Variants in SNRPC observed in about 807,000 individuals in gnomAD.
The protein encoded by SNRPC is U1 small nuclear ribonucleoprotein C.
Under a neutral mutation model 20.0 loss-of-function variants are expected in SNRPC, and 5 were observed. That is an observed-to-expected ratio of 0.25 (90% CI 0.13 to 0.53). The LOEUF (loss-of-function observed/expected upper bound fraction) is 0.53. Ranked by LOEUF, SNRPC falls within the 20% of genes least tolerant of loss-of-function variation. The probability of loss-of-function intolerance (pLI) is 0.96; values close to 1 mark genes in which losing one functional copy is unlikely to be tolerated. For synonymous variants in SNRPC, 61 were observed against 58.7 expected (o/e 1.04, Z -0.18); for missense variants, 112 against 224.1 (o/e 0.50, Z 3.19).
intron 3 of SNRPC, among the ~76,000 whole-genome samples, chr6:34,767,235 C>T (rs762670121): frequency 1.3e-5 from 2 of 152,136 alleles, no homozygotes; most frequent in Non-Finnish European, 2.9e-5. Flanking sequence ...TTTTTGGGCA[C>T]GTATTACACT....
chr6:34,765,571 G>C (rs1378588969), intron 3 of SNRPC, among the ~76,000 whole-genome samples: 1 of 151,936 alleles, frequency 6.6e-6, no homozygotes, highest in Non-Finnish European at 1.5e-5. Context: ...CGAGTAGCTG[G>C]GACTACAGGT....
intron 4 of SNRPC, 94 bp from the exon 5 acceptor site, chr6:34,770,197 G>C (rs551614311): frequency 8.0e-5 from 74 of 929,858 alleles, no homozygotes; most frequent in Non-Finnish European, 1.3e-4. Flanking sequence ...ACTCCGGCCT[G>C]GGCAACAAGA....
chr6:34,762,558 T>C (rs1230776062), intron 2 of SNRPC, 37 bp from the exon 3 acceptor site: 1 of 1,123,744 alleles, frequency 8.9e-7, no homozygotes, highest in South Asian at 1.3e-5. Context: ...TGTTGGACAT[T>C]TGTTTCTACG....
intron 4 of SNRPC, among the ~76,000 whole-genome samples, chr6:34,768,490 A>T (rs1414660831): frequency 6.6e-6 from 1 of 152,132 alleles, no homozygotes; most frequent in African/African-American, 2.4e-5. Context: ...GGTGGTTCAC[A>T]CCTGTAATCC....
chr6:34,760,111 C>CTTTTTTTTTTTTTTTTTTTTTTTTTTT (rs201265600), intron 2 of SNRPC, among the ~76,000 whole-genome samples: 1 of 123,410 alleles, frequency 8.1e-6, no homozygotes, highest in African/African-American at 3.2e-5. Flanking sequence ...TGTATATTAT[C>CTTTTTTTTTTTTTTTTTTTTTTTTTTT]TTTTTTTTTT....
rs774843726 is a variant in SNRPC, at chr6:34,773,423, CTCT to C, written c.356-18_356-16del. Reference sequence around the variant, plus strand: ...GTATTTTCTGACTCCCTTTTTCTCCCTCTTCTTTGTTTTGTCCTGCAGCTCCTG... The same window carrying C: ...GTATTTTCTGACTCCCTTTTTCTCCCTCTTTGTTTTGTCCTGCAGCTCCTG... On this transcript the variant is annotated intron_variant, in intron 5 of 5. Coordinates refer to ENST00000244520, the MANE Select transcript of SNRPC (RefSeq NM_003093.3). The surrounding 1 kb of genome is among the most constrained non-coding windows in gnomAD (Gnocchi z 4.1). The C allele has an allele frequency of 1.6e-5, 25 of 1,607,038 alleles. 1 individual carries two copies. Among genetic ancestry groups the C allele is most frequent in the Middle Eastern group, 1.7e-4 (1 of 6,048 alleles).
chr6:34,772,211 T>C (rs1266949164), intron 5 of SNRPC, among the ~76,000 whole-genome samples: 1 of 152,232 alleles, frequency 6.6e-6, no homozygotes, highest in African/African-American at 2.4e-5. Context: ...TACTCTTCTT[T>C]ACTATTCTTG....
chr6:34,763,145 A>C (rs1475714445), intron 3 of SNRPC, among the ~76,000 whole-genome samples: 1 of 152,214 alleles, frequency 6.6e-6, no homozygotes, highest in Non-Finnish European at 1.5e-5. Context: ...ATAGAGTACT[A>C]GTCAAAAAGA....
intron 2 of SNRPC, 115 bp downstream of exon 2, chr6:34,758,069 T>C: frequency 9.1e-7 from 1 of 1,098,754 alleles, no homozygotes. Flanking sequence ...GTTTAAGGTC[T>C]ACTCCTTGAA....
Position 34,773,675 on chromosome 6 carries a change from C to A in SNRPC, c.*105C>A. The A allele has an allele frequency of 3.1e-6, 3 of 978,804 alleles. No homozygotes were observed. The highest frequency in any genetic ancestry group is 4.6e-6 in the Non-Finnish European group (3 of 656,016). The allele number at this position is 978,804 out of a possible 1,614,324, so 60.6% of individuals were successfully genotyped here. A position where few individuals can be genotyped will look rare whatever the true frequency, so the allele number is the denominator to read the frequency against. On this transcript the variant is annotated 3_prime_UTR_variant, in exon 6 of 6. Transcript: ENST00000244520. This position sits in a 1 kb window ranked among gnomAD's most constrained non-coding sequence, Gnocchi z 4.1. ...AGTTTTCTAAACAGCATAAGGAAGA[C>A]TTGCTCCCCTGTCCTATGAAAGAGA...
intron 4 of SNRPC, among the ~76,000 whole-genome samples, chr6:34,768,753 CAAA>C (rs11284276): frequency 1.0e-4 from 10 of 97,604 alleles, no homozygotes; most frequent in Non-Finnish European, 1.4e-4. Context: ...GACTTTGTCT[CAAA>C]AAAAAAAAAA....
intron 3 of SNRPC, among the ~76,000 whole-genome samples, chr6:34,763,320 G>A (rs1245957242): frequency 6.6e-6 from 1 of 152,044 alleles, no homozygotes; most frequent in Non-Finnish European, 1.5e-5. Context: ...TTTGAATCAC[G>A]GCCTTTCTTA....
intron 2 of SNRPC, 23 bp from the exon 3 acceptor site, chr6:34,762,572 G>T (rs1036429888): frequency 7.9e-7 from 1 of 1,267,480 alleles, no homozygotes; most frequent in Non-Finnish European, 1.2e-6. Context: ...TTCTACGTCT[G>T]ATATGATCTT....
intron 5 of SNRPC, among the ~76,000 whole-genome samples, chr6:34,771,724 A>G (rs1343397254): frequency 6.6e-6 from 1 of 152,222 alleles, no homozygotes; most frequent in Non-Finnish European, 1.5e-5. Context: ...CAAAGTTACT[A>G]GAGTAGCTTC....
intron 4 of SNRPC, 121 bp from the exon 5 acceptor site, chr6:34,770,170 C>G (rs892854324): frequency 2.5e-5 from 19 of 762,346 alleles, no homozygotes; most frequent in Non-Finnish European, 3.7e-5. Context: ...TGTGGTGAGC[C>G]GAGATTGTGC....
intron 3 of SNRPC, among the ~76,000 whole-genome samples, chr6:34,763,107 A>G (rs1045998800): frequency 6.6e-6 from 1 of 152,158 alleles, no homozygotes; most frequent in South Asian, 2.1e-4. Context: ...GTTTGAGACT[A>G]TATTTAGATT....
chr6:34,763,537 G>A (rs934924815), intron 3 of SNRPC, among the ~76,000 whole-genome samples: 6 of 151,294 alleles, frequency 4.0e-5, no homozygotes, highest in South Asian at 2.1e-4. Context: ...AAAAATTAGC[G>A]GGGCGTGGTG....
Position 34,773,521 on chromosome 6 carries a change from G to A in SNRPC, c.431G>A (p.Arg144His), listed in dbSNP as rs376581661. Reference protein sequence around the residue: ...PGPPMMRPPARPMMVPTRPGM... With the variant: ...PGPPMMRPPAHPMMVPTRPGM... ...CCCCCAATGATGAGACCTCCTGCCC[G>A]TCCCATGATGGTGCCCACTCGGCCC... Residue 144 changes from arginine (R) to histidine (H), a missense_variant, in exon 6 of 6, where the codon CGT becomes CAT. Around this residue, in one of 3 missense-constraint regions of SNRPC, gnomAD observed 57 missense variants for 121.0 expected, o/e 0.47. Transcript: ENST00000244520. The surrounding 1 kb of genome is among the most constrained non-coding windows in gnomAD (Gnocchi z 4.1). 3.1e-6 allele frequency: 5 copies of A among 1,613,520 alleles called. No individual in the cohort carries two copies. The highest frequency in any genetic ancestry group is 2.2e-5 in the East Asian group (1 of 44,894).
chr6:34,768,902 G>A (rs1764650885), intron 4 of SNRPC, among the ~76,000 whole-genome samples: 1 of 152,146 alleles, frequency 6.6e-6, no homozygotes, highest in African/African-American at 2.4e-5. Context: ...GGGTCGTACT[G>A]TACTGTAGCT....
Sources: gnomAD v4.1 joint callset for allele counts (sites outside exome capture counted in the v4.1 genomes callset) on GRCh38, gnomAD v4.1.1 for gene constraint, gnomAD v4.1.1 regional missense constraint, Gnocchi (gnomAD v3.1) non-coding constraint, MANE v1.5 for transcripts, NCBI Gene and HGNC (gene_info 2026-07-23, HGNC 2026-07-21) for gene names.